YEATS2: variants seen among roughly 807,000 people sequenced by gnomAD.
YEATS2 encodes YEATS domain containing 2, also known as YEATS domain-containing protein 2.
YEATS2 carries 77 observed loss-of-function variants against 163.2 expected under a neutral mutation model. The ratio of observed to expected loss-of-function variants is 0.47; its 90% CI spans 0.39 to 0.57. The LOEUF (loss-of-function observed/expected upper bound fraction) is 0.57. YEATS2 is among the 20% of genes least tolerant of loss of function. YEATS2 has a pLI of 0.00. For missense variants in YEATS2, 1,549 were observed against 1,729.8 expected, an observed-to-expected ratio of 0.90 and a Z score of 1.85; for synonymous variants, 631 against 645.1, an observed-to-expected ratio of 0.98 and a Z score of 0.33.
chr3:183,743,230 G>T (rs574701031), intron 8 of YEATS2, among the ~76,000 whole-genome samples: 101 of 152,224 alleles, frequency 6.6e-4, no homozygotes, highest in Non-Finnish European at 1.2e-3. Flanking sequence ...TAAAACAAAA[G>T]AAATATACCA....
At chr3:183,712,209 T>G (rs201698386) in intron 1 of YEATS2, among the ~76,000 whole-genome samples, 9,242 of 103,128 alleles carry the variant, frequency 0.09, 1,283 homozygotes, top group African/African-American at 0.33. Context: ...TTTATTTTAT[T>G]TTATTTTATT....
At chr3:183,761,366 C>T (rs752025906) in intron 13 of YEATS2, 141 bp from the exon 14 acceptor site, 3 of 753,218 alleles carry the variant, frequency 4.0e-6, no homozygotes, top group Admixed American at 2.4e-5. Flanking sequence ...GGAGTACAGG[C>T]GTGAGCTACC....
At chr3:183,743,363 A>G (rs1719175958) in intron 8 of YEATS2, among the ~76,000 whole-genome samples, 1 of 151,920 alleles carries the variant, frequency 6.6e-6, no homozygotes, top group Non-Finnish European at 1.5e-5. Context: ...TTTTTTTGAG[A>G]CAGAGTCTCA....
chr3:183,717,388 C>A (rs1716007096), intron 2 of YEATS2, among the ~76,000 whole-genome samples: 1 of 152,162 alleles, frequency 6.6e-6, no homozygotes, highest in African/African-American at 2.4e-5. Context: ...TTTGTCTAAT[C>A]TTTCCTTGTG....
intron 22 of YEATS2, among the ~76,000 whole-genome samples, chr3:183,798,574 G>A (rs919965326): frequency 2.0e-5 from 3 of 152,092 alleles, no homozygotes; most frequent in African/African-American, 4.8e-5. Flanking sequence ...GGCTGGTCTC[G>A]AACTCCTGAC....
intron 6 of YEATS2, among the ~76,000 whole-genome samples, chr3:183,725,635 C>T (rs150622095): frequency 1.1e-4 from 16 of 152,302 alleles, no homozygotes; most frequent in African/African-American, 2.9e-4. Flanking sequence ...TTTATTATCA[C>T]GAGAACAGCA....
intron 27 of YEATS2, among the ~76,000 whole-genome samples, chr3:183,805,516 C>T (rs1207415537): frequency 6.6e-6 from 1 of 151,724 alleles, no homozygotes; most frequent in African/African-American, 2.4e-5. Context: ...TACTTTAAGA[C>T]TTAGGGCCGG....
intron 16 of YEATS2, 59 bp downstream of exon 16, chr3:183,772,622 G>C: frequency 6.3e-7 from 1 of 1,595,902 alleles, no homozygotes; most frequent in African/African-American, 1.3e-5. Context: ...AATTTCCTTT[G>C]CTAGTGATTT....
intron 12 of YEATS2, among the ~76,000 whole-genome samples, chr3:183,758,547 A>G (rs1295201025): frequency 1.3e-5 from 2 of 152,178 alleles, no homozygotes; most frequent in East Asian, 1.9e-4. Flanking sequence ...CTTTTATTGT[A>G]TAAGGAGTAG....
At chr3:183,770,361 G>C (rs1722334404) in intron 15 of YEATS2, among the ~76,000 whole-genome samples, 1 of 152,032 alleles carries the variant, frequency 6.6e-6, no homozygotes, top group African/African-American at 2.4e-5. Flanking sequence ...GGGTGACAGA[G>C]CGAGACTCCG....
intron 28 of YEATS2, chr3:183,807,701 G>T (rs1161328822): frequency 1.2e-5 from 3 of 252,810 alleles, no homozygotes; most frequent in Non-Finnish European, 1.5e-5. Context: ...CAAACAGGAC[G>T]TTGGAGTCTG....
intron 17 of YEATS2, 139 bp from the exon 18 acceptor site, chr3:183,775,776 T>G: frequency 7.6e-7 from 1 of 1,308,124 alleles, no homozygotes; most frequent in Non-Finnish European, 1.1e-6. Flanking sequence ...GTAGGTAGAT[T>G]ACAGAAAAGA....
At chr3:183,734,159 A>G (rs1405785856) in intron 7 of YEATS2, among the ~76,000 whole-genome samples, 1 of 152,202 alleles carries the variant, frequency 6.6e-6, no homozygotes, top group African/African-American at 2.4e-5. Flanking sequence ...GTAAGTACCC[A>G]GAAGAAGTGA....
At chr3:183,799,636 A>G (rs186594213) in intron 23 of YEATS2, among the ~76,000 whole-genome samples, 2 of 152,278 alleles carry the variant, frequency 1.3e-5, no homozygotes, top group African/African-American at 4.8e-5. Context: ...GATTAGAGCA[A>G]CACGTGTGAC....
chr3:183,746,591 G>A (rs1014905041), intron 8 of YEATS2, among the ~76,000 whole-genome samples: 4 of 151,630 alleles, frequency 2.6e-5, no homozygotes, highest in Non-Finnish European at 5.9e-5. Context: ...ACACCCGTGC[G>A]GATTACAGAG....
At chr3:183,768,195 A>T (rs262955) in intron 15 of YEATS2, among the ~76,000 whole-genome samples, 1 of 151,904 alleles carries the variant, frequency 6.6e-6, no homozygotes, top group African/African-American at 2.4e-5. Context: ...TTTTGCTCTG[A>T]CATTCTCAAA....
At chr3:183,724,238 A>G (rs896378165) in intron 5 of YEATS2, among the ~76,000 whole-genome samples, 181 bp from the exon 6 acceptor site, 4 of 152,210 alleles carry the variant, frequency 2.6e-5, no homozygotes, top group Non-Finnish European at 5.9e-5. Context: ...AACTTTGTAT[A>G]AATTAAGGCA....
intron 10 of YEATS2, among the ~76,000 whole-genome samples, chr3:183,752,988 G>A (rs1156415732): frequency 6.6e-6 from 1 of 151,602 alleles, no homozygotes; most frequent in African/African-American, 2.4e-5. Flanking sequence ...AGTAGAGATG[G>A]GTTTTCACCA....
intron 27 of YEATS2, chr3:183,806,130 C>T (rs1726171631): frequency 5.5e-6 from 2 of 365,424 alleles, no homozygotes; most frequent in Non-Finnish European, 1.1e-5. Flanking sequence ...CCTTGACTTA[C>T]GATGGCCTTG....
Sources: allele counts gnomAD v4.1 joint callset (sites outside exome capture counted in the v4.1 genomes callset), GRCh38; gene constraint gnomAD v4.1.1; transcripts MANE v1.5; gene names NCBI Gene and HGNC (gene_info 2026-07-23, HGNC 2026-07-21).